The following GIPC2 variants were observed in gnomAD, a reference collection of about 807,000 sequenced individuals.
The protein encoded by GIPC2 is PDZ domain-containing protein GIPC2.
Under a neutral mutation model 30.6 loss-of-function variants are expected in GIPC2, and 30 were observed. The observed-to-expected ratio is 0.98, with a 90% CI of 0.73 to 1.33. The LOEUF is 1.33. GIPC2 is among the 40% of genes most tolerant of loss of function. GIPC2 has a pLI of 0.00. For synonymous variants in GIPC2, 167 were observed against 150.0 expected (o/e 1.11, Z -0.83); for missense variants, 414 against 390.3 (o/e 1.06, Z -0.51).
chr1:78,048,015 A>T (rs1661127417), intron 1 of GIPC2, among the ~76,000 whole-genome samples: 1 of 152,244 alleles, frequency 6.6e-6, no homozygotes, highest in Non-Finnish European at 1.5e-5. Context: ...TCCTGGGTTT[A>T]TGATAGTTAG....
intron 3 of GIPC2, among the ~76,000 whole-genome samples, chr1:78,099,988 A>G (rs1000922946): frequency 6.6e-6 from 1 of 152,236 alleles, no homozygotes; most frequent in Non-Finnish European, 1.5e-5. Context: ...CAAGGGCCTT[A>G]TATATGAAGA....
intron 1 of GIPC2, among the ~76,000 whole-genome samples, chr1:78,080,405 A>G (rs1028853456): frequency 1.3e-5 from 2 of 152,142 alleles, no homozygotes; most frequent in Non-Finnish European, 2.9e-5. Flanking sequence ...TGTCCTTTAT[A>G]AAGTTACTGT....
intron 1 of GIPC2, among the ~76,000 whole-genome samples, chr1:78,062,251 T>C (rs1661408151): frequency 1.3e-5 from 2 of 152,334 alleles, no homozygotes; most frequent in African/African-American, 4.8e-5. Flanking sequence ...GTTAACACTA[T>C]GTCCCTCATG....
intron 4 of GIPC2, among the ~76,000 whole-genome samples, chr1:78,120,137 T>A (rs949014415): frequency 6.6e-6 from 1 of 152,244 alleles, no homozygotes; most frequent in Admixed American, 6.5e-5. Context: ...ATGTCACTTT[T>A]CTGTTCACAA....
intron 5 of GIPC2, among the ~76,000 whole-genome samples, chr1:78,128,380 A>G (rs533535786): frequency 1.4e-4 from 22 of 152,226 alleles, no homozygotes; most frequent in Non-Finnish European, 2.6e-4. Flanking sequence ...AATAGAATCC[A>G]TGCTGTGGTC....
chr1:78,059,848 CAG>C (rs1269168381), intron 1 of GIPC2, among the ~76,000 whole-genome samples: 1 of 152,072 alleles, frequency 6.6e-6, no homozygotes, highest in Non-Finnish European at 1.5e-5. Flanking sequence ...ACGTGCTAGA[CAG>C]AGAATTTAAA....
At chr1:78,117,246 C>A (rs1399354410) in intron 3 of GIPC2, among the ~76,000 whole-genome samples, 1 of 152,248 alleles carries the variant, frequency 6.6e-6, no homozygotes, top group African/African-American at 2.4e-5. Flanking sequence ...CAGGCCACTT[C>A]ATGTCTGTGT....
chr1:78,091,980 A>G (rs630245), intron 2 of GIPC2: 17 of 1,310,354 alleles, frequency 1.3e-5, no homozygotes, highest in Middle Eastern at 2.5e-4. Flanking sequence ...AAGAACTTCA[A>G]CCCCACAGTG....
intron 1 of GIPC2, among the ~76,000 whole-genome samples, chr1:78,058,141 C>T (rs922036625): frequency 6.6e-6 from 1 of 152,082 alleles, no homozygotes; most frequent in Non-Finnish European, 1.5e-5. Flanking sequence ...TATAGTATAG[C>T]TTAGTGGTTA....
rs187376330 is a variant in GIPC2 at position 78,102,175 on chromosome 1, G to A, written c.607+7043G>A. On this transcript the variant is annotated intron_variant, in intron 3 of 5. Coordinates refer to ENST00000370759, the MANE Select transcript of GIPC2 (RefSeq NM_017655.6). ...GGTCTTTATTTTAGGGTTGGATTTT[G>A]TAACAGATCATTGGGTTATATCTTC... Among the ~76,000 whole-genome samples the A allele has an allele frequency of 2.0e-3, 312 of 152,316 alleles. 4 individuals are homozygous for A. The highest frequency in any genetic ancestry group is 6.7e-3 in the African/African-American group (280 of 41,568).
At chr1:78,119,175 C>T (rs1662630892) in intron 3 of GIPC2, among the ~76,000 whole-genome samples, 1 of 152,228 alleles carries the variant, frequency 6.6e-6, no homozygotes, top group East Asian at 1.9e-4. Flanking sequence ...ATTCCCTTTT[C>T]TTGGAGTTAG....
At position 78,127,793 on chromosome 1, in the gene GIPC2, A is replaced by T. The variant is rs576695124; in HGVS notation, c.796+1831A>T. On this transcript the variant is annotated intron_variant, in intron 5 of 5. Transcript: ENST00000370759. ...CAGCCTTGATGTCCTGGTCCCAAGC[A>T]CTTCCCCTACCTCAGCCTCCCACGT... 1.8e-3 allele frequency among the ~76,000 whole-genome samples: 270 copies of T among 152,198 alleles called. 1 individual carries two copies. Among genetic ancestry groups the T allele is most frequent in the African/African-American group, 6.1e-3 (252 of 41,524 alleles).
chr1:78,114,351 C>A (rs1275420210), intron 3 of GIPC2, among the ~76,000 whole-genome samples: 1 of 152,142 alleles, frequency 6.6e-6, no homozygotes, highest in African/African-American at 2.4e-5. Flanking sequence ...AGGCCAGCAC[C>A]CCAAAAGTAG....
intron 1 of GIPC2, among the ~76,000 whole-genome samples, chr1:78,049,631 T>C (rs754179788): frequency 6.6e-6 from 1 of 152,194 alleles, no homozygotes; most frequent in Non-Finnish European, 1.5e-5. Flanking sequence ...AAAGACTTGA[T>C]GTCAAGTGGA....
intron 1 of GIPC2, among the ~76,000 whole-genome samples, chr1:78,072,892 C>A (rs1401219606): frequency 1.3e-5 from 2 of 151,948 alleles, no homozygotes; most frequent in African/African-American, 4.8e-5. Flanking sequence ...GCAAGCTCTG[C>A]CTCCCGGGTT....
Position 78,113,234 on chromosome 1 carries a change from T to C in GIPC2, c.608-6159T>C, listed in dbSNP as rs72941867. ...CTATTTCATTAAAAAAAAACAGATA[T>C]GTGAAATGATGGCTGTTTAAAAATA... On this transcript the variant is annotated intron_variant, in intron 3 of 5. Coordinates refer to ENST00000370759, the MANE Select transcript of GIPC2 (RefSeq NM_017655.6). 9.8e-3 allele frequency among the ~76,000 whole-genome samples: 1,492 copies of C among 152,154 alleles called. 6 individuals are homozygous for C. Among genetic ancestry groups the C allele is most frequent in the Middle Eastern group, 0.048 (14 of 294 alleles).
At chr1:78,111,492 GAAATA>G (rs769333977) in intron 3 of GIPC2, among the ~76,000 whole-genome samples, 5 of 152,150 alleles carry the variant, frequency 3.3e-5, no homozygotes, top group Non-Finnish European at 5.9e-5. Context: ...TTTTAAAGAA[GAAATA>G]AAATAGAATA....
chr1:78,110,204 A>G (rs1222885439), intron 3 of GIPC2, among the ~76,000 whole-genome samples: 1 of 152,236 alleles, frequency 6.6e-6, no homozygotes, highest in Non-Finnish European at 1.5e-5. Context: ...GAAACAGCCT[A>G]TAATGCTTGA....
intron 3 of GIPC2, among the ~76,000 whole-genome samples, chr1:78,103,190 TAC>T (rs1208804524): frequency 6.6e-6 from 1 of 152,210 alleles, no homozygotes. Flanking sequence ...TCAGGGAACT[TAC>T]AGTTTACATA....
Sources: gnomAD v4.1 joint callset for allele counts (sites outside exome capture counted in the v4.1 genomes callset) on GRCh38, gnomAD v4.1.1 for gene constraint, MANE v1.5 for transcripts, NCBI Gene and HGNC (gene_info 2026-07-23, HGNC 2026-07-21) for gene names.